Variants in MUC22 observed in about 807,000 individuals in gnomAD.
MUC22 encodes mucin-22.
In MUC22, 24 loss-of-function variants were observed where a neutral mutation model predicts 40.3. The ratio of observed to expected loss-of-function variants is 0.60; its 90% CI spans 0.43 to 0.84. MUC22 has a LOEUF of 0.84. Ranked by LOEUF, MUC22 falls within the 40% of genes least tolerant of loss-of-function variation. The pLI is 0.00. For synonymous variants in MUC22, 765 were observed against 844.5 expected (o/e 0.91, Z 1.63); for missense variants, 1,926 against 2,130.7 (o/e 0.90, Z 1.89).
chr6:31,011,841 C>T lies in MUC22; in HGVS notation c.70+1065C>T, dbSNP rs1341444387. Among the ~76,000 whole-genome samples the T allele has an allele frequency of 6.6e-6, 1 of 152,114 alleles. No individual in the cohort carries two copies. Among genetic ancestry groups the T allele is most frequent in the Non-Finnish European group, 1.5e-5 (1 of 68,042 alleles). On this transcript the variant is annotated intron_variant, in intron 1 of 3. Transcript: ENST00000561890. The surrounding 1 kb of genome is among the most constrained non-coding windows in gnomAD (Gnocchi z 4.5). Reference sequence around the variant, plus strand: ...GTGTTCCCTGATCACTGCATCTACGCCAACATCTACTGTTTTTTGATTTTT... The same window carrying T: ...GTGTTCCCTGATCACTGCATCTACGTCAACATCTACTGTTTTTTGATTTTT...
intron 1 of MUC22, among the ~76,000 whole-genome samples, chr6:31,015,756 A>G (rs1764151359): frequency 6.6e-6 from 1 of 152,192 alleles, no homozygotes; most frequent in African/African-American, 2.4e-5. Context: ...TTTTAAAACT[A>G]CTGTTCTAAA....
chr6:31,018,538 C>T (rs1311110626), intron 1 of MUC22, among the ~76,000 whole-genome samples: 1 of 145,876 alleles, frequency 6.9e-6, no homozygotes. Context: ...AATATCTCCT[C>T]TGCTGTTATC....
At chr6:31,026,627 T>C (rs1765381373) in exon 2 of MUC22, 3 of 1,493,930 alleles carry the variant, frequency 2.0e-6, no homozygotes, top group Non-Finnish European at 2.7e-6. Flanking sequence ...ACCACCACAG[T>C]CTCCACCGTG....
At position 31,032,536 on chromosome 6, in the gene MUC22, A is replaced by AGATGTGGCTGCT. The variant is rs1472313293; in HGVS notation, c.5011_5012insATGTGGCTGCTG (p.Ala1670_Val1671insAspValAlaAla). ...CTATCATCCTCATTTCCCTGGCTGC[A>AGATGTGGCTGCT]GTTGTGGCTGCTGTTGGATTGTCAG... On this transcript the variant is annotated inframe_insertion, in exon 3 of 4. Coordinates refer to ENST00000561890, the Ensembl canonical transcript of MUC22. This position sits in a 1 kb window ranked among gnomAD's most constrained non-coding sequence, Gnocchi z 4.1. 9 of 1,535,538 alleles carry AGATGTGGCTGCT rather than the reference A, an allele frequency of 5.9e-6. No individual in the cohort carries two copies. In the Admixed American group the frequency reaches 1.8e-4, roughly 30 times the overall value.
At chr6:31,013,578 C>T (rs1191661657) in intron 1 of MUC22, among the ~76,000 whole-genome samples, 3 of 152,222 alleles carry the variant, frequency 2.0e-5, no homozygotes, top group African/African-American at 4.8e-5. Context: ...TCTCATAAAA[C>T]TTCAGCCCCT....
intron 3 of MUC22, among the ~76,000 whole-genome samples, chr6:31,034,005 G>A (rs993784501): frequency 6.6e-6 from 1 of 152,188 alleles, no homozygotes; most frequent in Non-Finnish European, 1.5e-5. Context: ...AGAGAATAAC[G>A]AAAGTGAACA....
rs761227412 is a variant in MUC22 at position 31,025,488 on chromosome 6, G to A, written c.71-14G>A. On this transcript the variant is annotated splice_polypyrimidine_tract_variant and intron_variant, in intron 1 of 3. Transcript: ENST00000561890. Reference sequence around the variant, plus strand: ...TTAACCCATTCCCACCACCTTATTTGTTCTCCACCTCAGGCTCTGAGAATA... The same window carrying A: ...TTAACCCATTCCCACCACCTTATTTATTCTCCACCTCAGGCTCTGAGAATA... 3 of 1,463,252 alleles carry A rather than the reference G, an allele frequency of 2.1e-6. No individual in the cohort carries two copies. The highest frequency in any genetic ancestry group is 3.3e-5 in the African/African-American group (2 of 60,490). The allele number at this position is 1,463,252 out of a possible 1,614,324, so 90.6% of individuals were successfully genotyped here.
chr6:31,026,859 G>A lies in MUC22; in HGVS notation c.1428G>A (p.Thr476=), dbSNP rs867095132. 54 of 1,445,856 alleles carry A rather than the reference G, an allele frequency of 3.7e-5. 7 individuals are homozygous for A. Among genetic ancestry groups the A allele is most frequent in the East Asian group, 8.0e-5 (3 of 37,508 alleles). 89.6% of individuals were successfully genotyped at this position (1,445,856 alleles called of 1,614,324 possible). A position where few individuals can be genotyped will look rare whatever the true frequency, so the allele number is the denominator to read the frequency against. Residue 476 remains threonine (T), a synonymous_variant, in exon 2 of 4, where the codon ACG becomes ACA. Coordinates refer to ENST00000561890, the Ensembl canonical transcript of MUC22. ...CAGCCTCTACTGCACATTCTGAGAC[G>A]ACTGCAGCCTCCACCATGGGCTCTG...
chr6:31,014,183 C>T (rs542243549), intron 1 of MUC22, among the ~76,000 whole-genome samples: 4 of 151,762 alleles, frequency 2.6e-5, no homozygotes, highest in Non-Finnish European at 5.9e-5. Flanking sequence ...GATGACCATC[C>T]GTTCTTGTAA....
intron 1 of MUC22, among the ~76,000 whole-genome samples, chr6:31,019,636 C>T (rs1219314218): frequency 2.0e-5 from 3 of 152,170 alleles, no homozygotes; most frequent in Admixed American, 6.5e-5. Context: ...GGCAGATCAC[C>T]TGAGGTCAGG....
In MUC22 at chr6:31,014,429, T is replaced by C. The variant is rs564829840; in HGVS notation, c.70+3653T>C. 8.4e-4 allele frequency among the ~76,000 whole-genome samples: 128 copies of C among 152,282 alleles called. 2 individuals are homozygous for C. Among genetic ancestry groups the C allele is most frequent in the Admixed American group, 2.7e-3 (42 of 15,300 alleles). On this transcript the variant is annotated intron_variant, in intron 1 of 3. Coordinates refer to ENST00000561890, the Ensembl canonical transcript of MUC22. ...TGTCCAACCAGTACTGGTTGCTTGC[T>C]AGATCTCTTGTCCTGCAATCTGTAT...
intron 1 of MUC22, among the ~76,000 whole-genome samples, chr6:31,021,834 C>T (rs570228657): frequency 1.1e-4 from 17 of 152,258 alleles, no homozygotes; most frequent in East Asian, 5.8e-4. Context: ...CCAGCAGTGG[C>T]AACCTGCTTG....
chr6:31,020,560 G>T (rs9391704), intron 1 of MUC22, among the ~76,000 whole-genome samples: 16,933 of 151,342 alleles, frequency 0.11, 1,223 homozygotes, highest in East Asian at 0.32. Context: ...CAGCGTGCTG[G>T]CAGTCCTCAG....
intron 1 of MUC22, 99 bp downstream of exon 1, chr6:31,010,875 G>A: frequency 1.6e-6 from 1 of 608,168 alleles, no homozygotes; most frequent in Non-Finnish European, 2.9e-6. Context: ...TCTTCTTCCA[G>A]AAACAATGAT....
intron 1 of MUC22, among the ~76,000 whole-genome samples, chr6:31,024,964 G>A (rs4713418): frequency 1.7e-4 from 25 of 151,322 alleles, no homozygotes; most frequent in African/African-American, 6.1e-4. Context: ...TCCGCCTTCC[G>A]GTTCAAGTGA....
intron 1 of MUC22, among the ~76,000 whole-genome samples, chr6:31,022,436 C>A (rs9262536): frequency 6.6e-6 from 1 of 151,448 alleles, no homozygotes; most frequent in South Asian, 2.1e-4. Flanking sequence ...GGATTACAGG[C>A]GTGAATCGAC....
At chr6:31,014,136 T>C (rs1764036861) in intron 1 of MUC22, among the ~76,000 whole-genome samples, 1 of 152,260 alleles carries the variant, frequency 6.6e-6, no homozygotes, top group Non-Finnish European at 1.5e-5. Flanking sequence ...AAATGACCTC[T>C]AGTAACATTT....
chr6:31,029,559 T>A, exon 2 of MUC22: 1 of 1,517,318 alleles, frequency 6.6e-7, no homozygotes, highest in Non-Finnish European at 8.8e-7. Context: ...CTGAGGCCAC[T>A]ACAGTTTCTA....
chr6:31,035,266 T>TA, exon 4 of MUC22: 1 of 327,976 alleles, frequency 3.0e-6, no homozygotes, highest in Non-Finnish European at 5.5e-6. Context: ...ACAACCACCC[T>TA]CAGGACATCT....
Sources: allele counts gnomAD v4.1 joint callset (sites outside exome capture counted in the v4.1 genomes callset), GRCh38; gene constraint gnomAD v4.1.1; non-coding constraint Gnocchi (gnomAD v3.1); transcripts MANE v1.5; gene names NCBI Gene and HGNC (gene_info 2026-07-23, HGNC 2026-07-21).